ARHGEF18: variants seen among roughly 807,000 people sequenced by gnomAD.
ARHGEF18 encodes the protein Rho/Rac guanine nucleotide exchange factor 18, also known as rho guanine nucleotide exchange factor 18.
ARHGEF18 carries 93 observed loss-of-function variants against 155.7 expected under a neutral mutation model. The ratio of observed to expected loss-of-function variants is 0.60; its 90% CI spans 0.50 to 0.71. The LOEUF (loss-of-function observed/expected upper bound fraction) is 0.71. ARHGEF18 is among the 30% of genes least tolerant of loss of function. ARHGEF18 has a pLI of 0.00. For missense variants in ARHGEF18, 1,593 were observed against 1,816.1 expected, an observed-to-expected ratio of 0.88 and a Z score of 2.23; for synonymous variants, 742 against 753.1, an observed-to-expected ratio of 0.99 and a Z score of 0.24.
chr19:7,409,769 T>C (rs1188094120), intron 10 of ARHGEF18, among the ~76,000 whole-genome samples: 2 of 13,842 alleles, frequency 1.4e-4, no homozygotes, highest in African/African-American at 3.4e-4. Context: ...TCTTTCTTTC[T>C]TTTTTTTTTT....
At chr19:7,353,440 A>C (rs1227190191) in intron 1 of ARHGEF18, among the ~76,000 whole-genome samples, 1 of 151,500 alleles carries the variant, frequency 6.6e-6, no homozygotes, top group Non-Finnish European at 1.5e-5. Flanking sequence ...AATACAAAAA[A>C]TTAGCCAGGC....
chr19:7,375,817 T>A lies in ARHGEF18; in HGVS notation c.373T>A (p.Trp125Arg). Reference protein sequence around the residue: ...LNLPGGGLKTWTQGCLSGGGT... With the variant: ...LNLPGGGLKTRTQGCLSGGGT... ...CCTGCCAGGAGGAGGGCTGAAGACC[T>A]GGACTCAAGGGTGTCTCTCTGGGGG... The change falls in exon 4 of 29, where the codon TGG (tryptophan) becomes AGG (arginine). Residue 125 changes from tryptophan (W) to arginine (R), a missense_variant. Coordinates refer to ENST00000668164, the MANE Select transcript of ARHGEF18 (RefSeq NM_001367823.1). 2.4e-6 allele frequency: 3 copies of A among 1,234,486 alleles called. No homozygotes were observed. The highest frequency in any genetic ancestry group is 3.0e-6 in the Non-Finnish European group (3 of 988,274). The allele number at this position is 1,234,486 out of a possible 1,614,324, so 76.5% of individuals were successfully genotyped here.
intron 17 of ARHGEF18, among the ~76,000 whole-genome samples, chr19:7,455,998 C>T (rs1249375928): frequency 6.6e-6 from 1 of 152,224 alleles, no homozygotes; most frequent in Non-Finnish European, 1.5e-5. Context: ...CGCAGCCAAA[C>T]CGTATCAGAT....
rs1441499149 is a variant in ARHGEF18 at position 7,444,404 on chromosome 19, A to G, written c.1561A>G (p.Ser521Gly). 1 of 1,613,612 alleles carries G rather than the reference A, an allele frequency of 6.2e-7. No individual in the cohort carries two copies. Among genetic ancestry groups the G allele is most frequent in the Non-Finnish European group, 8.5e-7 (1 of 1,180,040 alleles). Residue 521 changes from serine to glycine, a missense_variant, in exon 14 of 29, where the codon AGT (serine) becomes GGT (glycine). By Grantham distance (56) the Ser-to-Gly change is moderately conservative. Coordinates refer to ENST00000668164, the MANE Select transcript of ARHGEF18 (RefSeq NM_001367823.1). This position sits in a 1 kb window ranked among gnomAD's most constrained non-coding sequence, Gnocchi z 4.7. ...CCGCCAGGAGTCCCTGGAGGAGGGC[A>G]GTGACCGGAATTATGTCATCCAGAA... ...ERRQESLEEGSDRNYVIQKIG... is the reference protein window; with the variant it reads ...ERRQESLEEGGDRNYVIQKIG...
At position 7,462,836 on chromosome 19, in the gene ARHGEF18, C is replaced by CTTTT. The variant is rs34155241; in HGVS notation, c.2635+517_2635+520dup. On this transcript the variant is annotated intron_variant, in intron 21 of 28. Transcript: ENST00000668164. This position sits in a 1 kb window ranked among gnomAD's most constrained non-coding sequence, Gnocchi z 4.4. Reference sequence around the variant, plus strand: ...AGTCTGCTCTTTCTTTTTTTCTTTTCTTTTTTTTTTTTTTTTTTGAGATGG... The same window carrying CTTTT: ...AGTCTGCTCTTTCTTTTTTTCTTTTCTTTTTTTTTTTTTTTTTTTTTTGAGATGG... Among the ~76,000 whole-genome samples, 6 of 96,478 alleles carry CTTTT rather than the reference C, an allele frequency of 6.2e-5. No homozygotes were observed. Among genetic ancestry groups the CTTTT allele is most frequent in the African/African-American group, 1.8e-4 (4 of 22,516 alleles). 63.3% of individuals were successfully genotyped at this position (96,478 alleles called of 152,430 possible).
At chr19:7,442,124 CCCTTCCTTCCTTCCTT>C (rs200202576) in intron 13 of ARHGEF18, 72 bp downstream of exon 13, 213,980 of 1,127,198 alleles carry the variant, frequency 0.19, 23,779 homozygotes, top group Non-Finnish European at 0.2. Context: ...CTTCCTCCCT[CCCTTCCTTCCTTCCTT>C]CCTTCCTTCC....
Position 7,469,927 on chromosome 19 carries a change from C to G in ARHGEF18, c.3811C>G (p.Leu1271Val), listed in dbSNP as rs779006424. The change falls in exon 28 of 29, where the codon CTG becomes GTG. Residue 1271 changes from leucine to valine, a missense_variant. Transcript: ENST00000668164. ...AGCGTCCTTCGACCTGAAGCAGCAG[C>G]TGCTGCTCAACAAGCTCATGGGGAA... ...SSASFDLKQQLLLNKLMGKDE... is the reference protein window; with the variant it reads ...SSASFDLKQQVLLNKLMGKDE... 3 of 1,613,054 alleles carry G rather than the reference C, an allele frequency of 1.9e-6. No individual in the cohort carries two copies. In the South Asian group the frequency reaches 3.3e-5, roughly 18 times the overall value.
At chr19:7,460,104 C>T (rs894900408) in intron 20 of ARHGEF18, 110 bp downstream of exon 20, 8 of 1,082,308 alleles carry the variant, frequency 7.4e-6, no homozygotes, top group Admixed American at 2.4e-5. Context: ...GGTGTTTTCC[C>T]GTGGGCTGTG....
At chr19:7,400,949 C>T (rs914184136) in intron 10 of ARHGEF18, among the ~76,000 whole-genome samples, 4 of 152,176 alleles carry the variant, frequency 2.6e-5, no homozygotes, top group African/African-American at 9.7e-5. Flanking sequence ...AGGAATCTAG[C>T]ATCATCTTGC....
chr19:7,444,130 C>T lies in ARHGEF18; in HGVS notation c.1361-74C>T. ...AGAAGCCAGTTCAGCACGTGAAGGG[C>T]AGGCAGCACCCACGACTGCCCAGCG... On this transcript the variant is annotated intron_variant, in intron 13 of 28. Coordinates refer to ENST00000668164, the MANE Select transcript of ARHGEF18 (RefSeq NM_001367823.1). This position sits in a 1 kb window ranked among gnomAD's most constrained non-coding sequence, Gnocchi z 4.7. 6.4e-7 allele frequency: 1 copy of T among 1,568,402 alleles called. No homozygotes were observed. Among genetic ancestry groups the T allele is most frequent in the Non-Finnish European group, 8.7e-7 (1 of 1,153,240 alleles).
chr19:7,478,190 T>G, the ARHGEF18 span: 3 of 1,020,040 alleles, frequency 2.9e-6, no homozygotes, highest in Non-Finnish European at 4.3e-6. Context: ...GAGGCTGTGA[T>G]GACTCCCCCA....
chr19:7,363,294 G>C (rs1028506473), intron 2 of ARHGEF18, among the ~76,000 whole-genome samples: 1 of 152,012 alleles, frequency 6.6e-6, no homozygotes, highest in Non-Finnish European at 1.5e-5. Context: ...TGACTAGAAG[G>C]AAGGGAGGAA....
intron 10 of ARHGEF18, among the ~76,000 whole-genome samples, chr19:7,407,984 AAAAG>A (rs1972441362): frequency 6.7e-6 from 1 of 149,428 alleles, no homozygotes; most frequent in South Asian, 2.1e-4. Flanking sequence ...AAAAAAAAAA[AAAAG>A]AGGTAGTAGG....
intron 2 of ARHGEF18, among the ~76,000 whole-genome samples, chr19:7,364,460 C>A (rs868127606): frequency 6.6e-6 from 1 of 151,818 alleles, no homozygotes; most frequent in African/African-American, 2.4e-5. Context: ...TGCCTAAGTT[C>A]CCGTCATGGC....
chr19:7,442,087 C>T (rs1358843401), intron 13 of ARHGEF18, 35 bp downstream of exon 13: 1 of 1,610,636 alleles, frequency 6.2e-7, no homozygotes, highest in African/African-American at 1.3e-5. Context: ...ATCACACCGG[C>T]CCTCCACTCT....
chr19:7,462,052 G>A lies in ARHGEF18; in HGVS notation c.2453-100G>A, dbSNP rs901716715. ...CAAGGGGGCAGCCTACCTCAGGGCAGGGCCAGCGGGGTTCCTCATCCTTAG... is the reference window on the plus strand; with the variant it reads ...CAAGGGGGCAGCCTACCTCAGGGCAAGGCCAGCGGGGTTCCTCATCCTTAG... On this transcript the variant is annotated intron_variant, in intron 20 of 28. Transcript: ENST00000668164. The surrounding 1 kb of genome is among the most constrained non-coding windows in gnomAD (Gnocchi z 4.4). The A allele has an allele frequency of 1.2e-5, 17 of 1,431,828 alleles. No individual in the cohort carries two copies. The highest frequency in any genetic ancestry group is 1.6e-5 in the Non-Finnish European group (16 of 1,027,044). The allele number at this position is 1,431,828 out of a possible 1,614,324, so 88.7% of individuals were successfully genotyped here.
chr19:7,431,314 C>G (rs1005507750), intron 10 of ARHGEF18, among the ~76,000 whole-genome samples: 5 of 151,672 alleles, frequency 3.3e-5, no homozygotes, highest in Non-Finnish European at 1.5e-5. Flanking sequence ...GTCAGGCATT[C>G]GAAACCAGCC....
intron 2 of ARHGEF18, among the ~76,000 whole-genome samples, chr19:7,370,585 G>C (rs1463204025): frequency 6.6e-6 from 1 of 152,130 alleles, no homozygotes; most frequent in Non-Finnish European, 1.5e-5. Context: ...TATCTTCCCA[G>C]AAGAACTGAG....
intron 10 of ARHGEF18, among the ~76,000 whole-genome samples, chr19:7,424,781 T>G (rs12974560): frequency 0.54 from 81,110 of 151,566 alleles, 22,022 homozygotes; most frequent in Middle Eastern, 0.74. Context: ...GGATCACGAG[T>G]TCAGGAGATC....
Sources: gnomAD v4.1 joint callset for allele counts (sites outside exome capture counted in the v4.1 genomes callset) on GRCh38, gnomAD v4.1.1 for gene constraint, Gnocchi (gnomAD v3.1) non-coding constraint, MANE v1.5 for transcripts, NCBI Gene and HGNC (gene_info 2026-07-23, HGNC 2026-07-21) for gene names.